The following PSG3 variants were observed in gnomAD, a reference collection of about 807,000 sequenced individuals.
PSG3 encodes the protein pregnancy specific beta-1-glycoprotein 3, also known as pregnancy-specific beta-1-glycoprotein 3.
In PSG3, 61 loss-of-function variants were observed where a neutral mutation model predicts 47.5. The ratio of observed to expected loss-of-function variants is 1.28; its 90% CI spans 1.05 to 1.59. The LOEUF (loss-of-function observed/expected upper bound fraction) is 1.59, where lower values mean the gene tolerates loss of function less well. Ranked by LOEUF, PSG3 falls within the 40% of genes most tolerant of loss-of-function variation. PSG3 has a pLI of 0.00. For synonymous variants in PSG3, 263 were observed against 198.4 expected (o/e 1.33, Z -2.74); for missense variants, 756 against 524.0 (o/e 1.44, Z -4.32).
At chr19:42,727,288 A>G (rs1969392655) in intron 5 of PSG3, among the ~76,000 whole-genome samples, 1 of 152,248 alleles carries the variant, frequency 6.6e-6, no homozygotes, top group African/African-American at 2.4e-5. Flanking sequence ...AAAACCTTTT[A>G]TATATCAAAG....
rs765661263 is a variant in PSG3, at chr19:42,739,116, A to T, written c.65-27T>A. On this transcript the variant is annotated intron_variant, in intron 1 of 6. Coordinates refer to ENST00000327495, the MANE Select transcript of PSG3 (RefSeq NM_021016.4). The stretch of plus-strand genomic sequence containing the variant: ...TAGGAGGTGGAGAGAGCATCAGTCA[A>T]TATTGAGACCTATGCATTGGGGTGA... 3 of 1,580,702 alleles carry T rather than the reference A, an allele frequency of 1.9e-6. No homozygotes were observed. The East Asian group carries it at 6.7e-5, about 35-fold the overall frequency.
At chr19:42,737,506 T>C (rs1483037221) in intron 2 of PSG3, among the ~76,000 whole-genome samples, 1 of 151,914 alleles carries the variant, frequency 6.6e-6, no homozygotes, top group Non-Finnish European at 1.5e-5. Context: ...TCAGTGATGG[T>C]GGTTAAGATC....
chr19:42,732,809 A>T lies in PSG3; in HGVS notation c.684T>A (p.Ser228Arg). 6.2e-7 allele frequency: 1 copy of T among 1,614,192 alleles called. No individual in the cohort carries two copies. The highest frequency in any genetic ancestry group is 8.5e-7 in the Non-Finnish European group (1 of 1,180,026). The change falls in exon 3 of 7, where the codon AGT (serine) becomes AGA (arginine). Residue 228 changes from serine to arginine, a missense_variant. Ser to Arg is a moderately radical substitution (Grantham distance 110). Coordinates refer to ENST00000327495, the MANE Select transcript of PSG3 (RefSeq NM_021016.4). ...EIRNPVSASR[S>R]DPVTLNLLPK... ...GGAGGAGATTCAGGGTGACTGGGTC[A>T]CTGCGGCTGGCACTCACTGGGTTCC...
chr19:42,736,732 C>G (rs1969570638), intron 2 of PSG3, among the ~76,000 whole-genome samples: 1 of 151,816 alleles, frequency 6.6e-6, no homozygotes, highest in African/African-American at 2.4e-5. Flanking sequence ...GTCCCATGGT[C>G]TTGTCCACAG....
At chr19:42,736,526 G>C (rs539348397) in intron 2 of PSG3, among the ~76,000 whole-genome samples, 10 of 152,154 alleles carry the variant, frequency 6.6e-5, no homozygotes, top group Admixed American at 5.9e-4. Context: ...AGGCTGATTT[G>C]AGTAATAATA....
intron 2 of PSG3, among the ~76,000 whole-genome samples, chr19:42,734,482 A>T (rs191641821): frequency 7.8e-4 from 119 of 152,272 alleles, no homozygotes; most frequent in African/African-American, 2.8e-3. Flanking sequence ...AGGAGTTTAG[A>T]CCTTATGTTC....
intron 2 of PSG3, chr19:42,733,736 G>A (rs1052279673): frequency 6.5e-6 from 1 of 153,882 alleles, no homozygotes; most frequent in African/African-American, 2.4e-5. Flanking sequence ...CCTACAAAGA[G>A]TGAAGGGGAC....
At chr19:42,734,354 T>A (rs1039019895) in intron 2 of PSG3, among the ~76,000 whole-genome samples, 1 of 152,210 alleles carries the variant, frequency 6.6e-6, no homozygotes, top group African/African-American at 2.4e-5. Context: ...AGTGAGCACT[T>A]CTTTTTAGCA....
Position 42,730,049 on chromosome 19 carries a change from C to A in PSG3, c.717G>T (p.Leu239=). 6.2e-7 allele frequency: 1 copy of A among 1,612,376 alleles called. No individual in the cohort carries two copies. ...TGTTGATGGTGATGTAGGGCTTGGG[C>A]AGCTTCGCTGTGTGGATAACAGAGA... ...DPVTLNLLPK[L]PKPYITINNL... The change falls in exon 4 of 7, where the codon CTG becomes CTT. Residue 239 remains leucine (L), a synonymous_variant. Coordinates refer to ENST00000327495, the MANE Select transcript of PSG3 (RefSeq NM_021016.4).
chr19:42,725,906 AAAAG>A (rs1246093283), intron 5 of PSG3, among the ~76,000 whole-genome samples: 26 of 150,902 alleles, frequency 1.7e-4, no homozygotes, highest in African/African-American at 5.6e-4. Context: ...AAAAAAAAAA[AAAAG>A]AAAAAAGAAA....
chr19:42,728,166 G>T (rs935916054), intron 5 of PSG3, among the ~76,000 whole-genome samples: 2 of 152,118 alleles, frequency 1.3e-5, no homozygotes, highest in African/African-American at 4.8e-5. Flanking sequence ...GTTTAATATG[G>T]TAAGAGGAAA....
chr19:42,738,429 G>T (rs1403609246), intron 2 of PSG3, among the ~76,000 whole-genome samples: 2 of 152,164 alleles, frequency 1.3e-5, no homozygotes, highest in Admixed American at 6.5e-5. Flanking sequence ...CTTTCTCAGG[G>T]TCAAATTTAT....
Position 42,729,850 on chromosome 19 carries a change from C to T in PSG3, c.916G>A (p.Gly306Arg), listed in dbSNP as rs146978446. The T allele has an allele frequency of 8.4e-5, 135 of 1,613,420 alleles. No individual in the cohort carries two copies. The African/African-American group carries it at 1.7e-3, about 20-fold the overall frequency. ...TCCTGTATTTCACATTGATAGGGTC[C>T]TGTTTCATTTCTCGTGACACTGGGT... ...ILPSVTRNET[G>R]PYQCEIQDRY... The change falls in exon 4 of 7, where the codon GGA becomes AGA. Residue 306 changes from glycine to arginine, a missense_variant. Transcript: ENST00000327495.
At chr19:42,723,287 G>A (rs531210766) in intron 6 of PSG3, among the ~76,000 whole-genome samples, 1 of 152,338 alleles carries the variant, frequency 6.6e-6, no homozygotes, top group South Asian at 2.1e-4. Context: ...AGTCTGCAGT[G>A]CAGATGGTAG....
At position 42,740,385 on chromosome 19, in the gene PSG3, G is replaced by T. The variant is rs1568757875; in HGVS notation, c.-1C>A. ...AGGGAGGGGCTGAGAGGGGCCCCAT[G>T]GTCTCTGCTGCCTGCGTGTTCTCCT... On this transcript the variant is annotated 5_prime_UTR_variant, in exon 1 of 7. Transcript: ENST00000327495. The T allele has an allele frequency of 6.2e-7, 1 of 1,614,022 alleles. No homozygotes were observed. The highest frequency in any genetic ancestry group is 8.5e-7 in the Non-Finnish European group (1 of 1,179,928).
In PSG3 at chr19:42,732,940, G is replaced by A. The variant is rs192204565; in HGVS notation, c.553C>T (p.Gln185Ter). The A allele has an allele frequency of 4.3e-6, 7 of 1,614,132 alleles. No individual in the cohort carries two copies. The African/African-American group carries it at 6.7e-5, about 15-fold the overall frequency. ...DASYLWWMNG[Q>*]SLPMTHSLQL... is the part of the protein sequence containing the mutation. ...AAGCTGTGAGTCATAGGGAGGCTCT[G>A]ACCATTCATCCACCACAGGTAGCTT... Residue 185 changes from glutamine to a stop codon, truncating the protein, a stop_gained, in exon 3 of 7, where the codon CAG (glutamine) becomes TAG (stop). Transcript: ENST00000327495. LOFTEE classifies it high-confidence loss of function.
At chr19:42,725,110 C>T (rs1324996836) in intron 5 of PSG3, among the ~76,000 whole-genome samples, 1 of 152,118 alleles carries the variant, frequency 6.6e-6, no homozygotes, top group African/African-American at 2.4e-5. Context: ...TATTTGACCT[C>T]TAGGCTAATG....
chr19:42,737,537 G>A (rs1568755010), intron 2 of PSG3, among the ~76,000 whole-genome samples: 1 of 152,088 alleles, frequency 6.6e-6, no homozygotes, highest in Non-Finnish European at 1.5e-5. Flanking sequence ...GCCTGGACAT[G>A]TTTTTTCCAC....
At chr19:42,723,920 A>G (rs1969334422) in intron 6 of PSG3, 22 bp downstream of exon 6, 7 of 1,531,982 alleles carry the variant, frequency 4.6e-6, no homozygotes, top group Non-Finnish European at 6.3e-6. Flanking sequence ...AGGAACCAGG[A>G]TAAGAGGAAA....
Sources: allele counts gnomAD v4.1 joint callset (sites outside exome capture counted in the v4.1 genomes callset), GRCh38; gene constraint gnomAD v4.1.1; transcripts MANE v1.5; gene names NCBI Gene and HGNC (gene_info 2026-07-23, HGNC 2026-07-21).